TEX9: variants seen among roughly 807,000 people sequenced by gnomAD.
TEX9 encodes the protein testis expressed 9.
In TEX9, 74 loss-of-function variants were observed where a neutral mutation model predicts 59.6. The ratio of observed to expected loss-of-function variants is 1.24; its 90% CI spans 1.03 to 1.51. TEX9 has a LOEUF of 1.51. Ranked by LOEUF, TEX9 falls within the 40% of genes most tolerant of loss-of-function variation. The pLI is 0.00. For synonymous variants in TEX9, 186 were observed against 152.2 expected, an observed-to-expected ratio of 1.22 and a Z score of -1.64; for missense variants, 522 against 447.8, an observed-to-expected ratio of 1.17 and a Z score of -1.49.
intron 1 of TEX9, among the ~76,000 whole-genome samples, chr15:56,272,743 A>T (rs2044567481): frequency 6.6e-6 from 1 of 152,230 alleles, no homozygotes; most frequent in Admixed American, 6.5e-5. Flanking sequence ...TGACTTAAAA[A>T]AATGTATAAC....
At chr15:56,365,807 CCTGCCGTTTAT>C (rs1225212352) in intron 2 of TEX9, 137 bp downstream of exon 2, 4 of 1,458,362 alleles carry the variant, frequency 2.7e-6, no homozygotes, top group Non-Finnish European at 2.7e-6. Flanking sequence ...ATCTCGTTCA[CCTGCCGTTTAT>C]CCTTTCTTTG....
At chr15:56,421,720 G>A (rs1023945582) in intron 10 of TEX9, 1 of 151,478 alleles carries the variant, frequency 6.6e-6, no homozygotes, top group Non-Finnish European at 1.5e-5. Flanking sequence ...TGCGGTGTTT[G>A]GTTTTTTGTT....
At chr15:56,260,271 T>A (rs1353227125) in intron 1 of TEX9, among the ~76,000 whole-genome samples, 1 of 152,142 alleles carries the variant, frequency 6.6e-6, no homozygotes, top group Admixed American at 6.5e-5. Flanking sequence ...CAATGATTAA[T>A]GCAAGTAATG....
intron 10 of TEX9, among the ~76,000 whole-genome samples, chr15:56,417,616 T>C (rs1413976258): frequency 6.6e-6 from 1 of 151,874 alleles, no homozygotes; most frequent in Non-Finnish European, 1.5e-5. Flanking sequence ...AATTATGTGG[T>C]CAGTTTTAGA....
At chr15:56,411,547 C>A (rs191511911) in intron 9 of TEX9, among the ~76,000 whole-genome samples, 27 of 152,080 alleles carry the variant, frequency 1.8e-4, no homozygotes, top group Non-Finnish European at 3.8e-4. Context: ...GAGATCAGGG[C>A]AGGAGGAAGA....
At chr15:56,320,462 C>A (rs2045876915) in intron 1 of TEX9, among the ~76,000 whole-genome samples, 1 of 150,860 alleles carries the variant, frequency 6.6e-6, no homozygotes, top group Admixed American at 6.7e-5. Context: ...CATGACCTTT[C>A]TTGTCTGTGT....
chr15:56,430,359 A>ACCACATCCAGTTAACTTTT (rs1442964448), intron 12 of TEX9, among the ~76,000 whole-genome samples: 4 of 152,050 alleles, frequency 2.6e-5, no homozygotes, highest in African/African-American at 9.7e-5. Context: ...GGCGTGCATC[A>ACCACATCCAGTTAACTTTT]CCACATCCAG....
chr15:56,377,670 A>G (rs1442011360), intron 3 of TEX9, among the ~76,000 whole-genome samples: 2 of 152,162 alleles, frequency 1.3e-5, no homozygotes, highest in South Asian at 2.1e-4. Context: ...ATAAGAGCAT[A>G]TCATCTGTAA....
At chr15:56,421,080 A>G (rs795800) in intron 10 of TEX9, among the ~76,000 whole-genome samples, 73,507 of 151,454 alleles carry the variant, frequency 0.49, 18,234 homozygotes, top group South Asian at 0.64. Flanking sequence ...GTGTTGTTCA[A>G]TACTTCTGTA....
chr15:56,287,712 TTC>T (rs1320361935), intron 1 of TEX9, among the ~76,000 whole-genome samples: 2 of 152,174 alleles, frequency 1.3e-5, no homozygotes, highest in Non-Finnish European at 2.9e-5. Flanking sequence ...AGTGACCATT[TTC>T]TCTCTGTTTC....
At chr15:56,284,496 A>C (rs1345407015) in intron 1 of TEX9, among the ~76,000 whole-genome samples, 1 of 152,122 alleles carries the variant, frequency 6.6e-6, no homozygotes, top group Non-Finnish European at 1.5e-5. Flanking sequence ...TGTGTTATAT[A>C]ATATTAATTA....
At chr15:56,311,264 G>A (rs1157452788) in intron 1 of TEX9, among the ~76,000 whole-genome samples, 2 of 136,068 alleles carry the variant, frequency 1.5e-5, no homozygotes, top group Admixed American at 7.4e-5. Context: ...TCTAGCATTA[G>A]GTATATCTCC....
intron 1 of TEX9, among the ~76,000 whole-genome samples, chr15:56,307,589 A>G (rs1161668397): frequency 6.6e-6 from 1 of 152,228 alleles, no homozygotes; most frequent in African/African-American, 2.4e-5. Flanking sequence ...GTTGACATAA[A>G]TTACGTATCA....
At chr15:56,299,176 A>G (rs1197355909) in intron 1 of TEX9, among the ~76,000 whole-genome samples, 1 of 152,246 alleles carries the variant, frequency 6.6e-6, no homozygotes, top group African/African-American at 2.4e-5. Context: ...ACCATGCCCC[A>G]GCAGTAGCAA....
chr15:56,400,225 TAA>T (rs1421562483), intron 9 of TEX9, among the ~76,000 whole-genome samples: 12 of 152,222 alleles, frequency 7.9e-5, no homozygotes, highest in African/African-American at 2.9e-4. Flanking sequence ...ACAAGGAAGC[TAA>T]AAACCTTGAA....
intron 1 of TEX9, among the ~76,000 whole-genome samples, chr15:56,300,094 C>T (rs1159617676): frequency 2.0e-5 from 3 of 152,118 alleles, no homozygotes; most frequent in African/African-American, 7.2e-5. Flanking sequence ...GTCCTTCACT[C>T]CTGGATGGCA....
At chr15:56,356,838 G>T (rs1339306526) in intron 1 of TEX9, among the ~76,000 whole-genome samples, 1 of 152,092 alleles carries the variant, frequency 6.6e-6, no homozygotes, top group African/African-American at 2.4e-5. Flanking sequence ...TCCTGGTTGT[G>T]GTTTGGCATC....
chr15:56,299,908 C>T (rs1000459741), intron 1 of TEX9, among the ~76,000 whole-genome samples: 2 of 151,750 alleles, frequency 1.3e-5, no homozygotes, highest in African/African-American at 2.4e-5. Flanking sequence ...CAGTACTCAC[C>T]AGGAGCCTTG....
intron 10 of TEX9, among the ~76,000 whole-genome samples, chr15:56,417,972 A>C (rs1339709752): frequency 6.6e-6 from 1 of 151,550 alleles, no homozygotes; most frequent in Non-Finnish European, 1.5e-5. Flanking sequence ...TTGGTTTGAA[A>C]CGTTTTGTCT....
Sources: gnomAD v4.1 joint callset for allele counts (sites outside exome capture counted in the v4.1 genomes callset) on GRCh38, gnomAD v4.1.1 for gene constraint, MANE v1.5 for transcripts, NCBI Gene and HGNC (gene_info 2026-07-23, HGNC 2026-07-21) for gene names.